The following FER variants were observed in gnomAD, a reference collection of about 807,000 sequenced individuals.
FER encodes tyrosine-protein kinase Fer.
Under a neutral mutation model 111.0 loss-of-function variants are expected in FER, and 63 were observed. The ratio of observed to expected loss-of-function variants is 0.57; its 90% CI spans 0.46 to 0.70. FER has a LOEUF of 0.70. Among genes scored for constraint, FER ranks in the 30% least tolerant of loss-of-function variants. The pLI is 0.00. For missense variants in FER, 914 were observed against 954.0 expected (o/e 0.96, Z 0.55); for synonymous variants, 327 against 313.9 (o/e 1.04, Z -0.44).
chr5:108,950,910 C>A (rs1446840128), intron 11 of FER, among the ~76,000 whole-genome samples: 1 of 151,898 alleles, frequency 6.6e-6, no homozygotes, highest in African/African-American at 2.4e-5. Flanking sequence ...ATTTCTCATC[C>A]CCTCCCAAAA....
chr5:108,853,628 TATTTGAAGATCAGTACAG>T (rs1762732399), intron 5 of FER, among the ~76,000 whole-genome samples: 1 of 152,190 alleles, frequency 6.6e-6, no homozygotes, highest in Non-Finnish European at 1.5e-5. Context: ...ATTTCCGGCA[TATTTGAAGATCAGTACAG>T]ATACCTTTTT....
intron 10 of FER, among the ~76,000 whole-genome samples, chr5:108,929,684 A>G (rs1488978800): frequency 2.0e-5 from 3 of 152,126 alleles, no homozygotes; most frequent in African/African-American, 7.2e-5. Flanking sequence ...TCTGTGAATG[A>G]AGGGAGTAGT....
At chr5:108,824,289 A>ATTTT (rs938044120) in intron 3 of FER, among the ~76,000 whole-genome samples, 9 of 149,278 alleles carry the variant, frequency 6.0e-5, no homozygotes, top group Non-Finnish European at 1.3e-4. Flanking sequence ...GAAGTTTAGG[A>ATTTT]TTTTTTTTTT....
chr5:109,016,966 A>G (rs1195155720), intron 13 of FER, among the ~76,000 whole-genome samples: 1 of 151,996 alleles, frequency 6.6e-6, no homozygotes, highest in Non-Finnish European at 1.5e-5. Context: ...AGGCCATGTG[A>G]GGACACAGTG....
chr5:108,941,417 C>T (rs776598312), intron 10 of FER, among the ~76,000 whole-genome samples: 8 of 151,974 alleles, frequency 5.3e-5, no homozygotes, highest in Admixed American at 2.6e-4. Context: ...GAAATTTGAC[C>T]CATAGGCAAG....
At chr5:109,135,791 T>TGA (rs2126603014) in intron 17 of FER, among the ~76,000 whole-genome samples, 1 of 152,326 alleles carries the variant, frequency 6.6e-6, no homozygotes, top group Admixed American at 6.5e-5. Flanking sequence ...TGCCTTTGGC[T>TGA]GACACTTCTC....
intron 1 of FER, among the ~76,000 whole-genome samples, chr5:108,749,814 C>T (rs1188071830): frequency 1.3e-5 from 2 of 152,152 alleles, no homozygotes; most frequent in African/African-American, 2.4e-5. Flanking sequence ...ACAGTTACCC[C>T]TAGGATCTAC....
rs540532836 is a variant in FER at position 109,148,044 on chromosome 5, T to G, written c.2049-32703T>G. Among the ~76,000 whole-genome samples the G allele has an allele frequency of 2.6e-5, 4 of 152,144 alleles. No individual in the cohort carries two copies. In the South Asian group the frequency reaches 8.3e-4, roughly 32 times the overall value. Reference sequence around the variant, plus strand: ...TTGTTTAATAGGTTTTTTTAAATGTTGTACATATATATATAGATGGTTAAG... The same window carrying G: ...TTGTTTAATAGGTTTTTTTAAATGTGGTACATATATATATAGATGGTTAAG... On this transcript the variant is annotated intron_variant, in intron 17 of 19. Coordinates refer to ENST00000281092, the MANE Select transcript of FER (RefSeq NM_005246.4).
intron 18 of FER, among the ~76,000 whole-genome samples, chr5:109,184,957 A>G (rs1758697727): frequency 6.6e-6 from 1 of 152,204 alleles, no homozygotes; most frequent in Non-Finnish European, 1.5e-5. Flanking sequence ...AGGAAACCAC[A>G]TGAGGGATAG....
chr5:108,904,228 C>CAAAT (rs771961137), intron 10 of FER, among the ~76,000 whole-genome samples: 5 of 151,926 alleles, frequency 3.3e-5, no homozygotes, highest in Non-Finnish European at 7.4e-5. Flanking sequence ...AATAAACAAA[C>CAAAT]AAATAAATAC....
At chr5:109,058,720 C>CTTTT (rs1773967359) in intron 16 of FER, among the ~76,000 whole-genome samples, 2 of 88,034 alleles carry the variant, frequency 2.3e-5, no homozygotes, top group African/African-American at 1.0e-4. Flanking sequence ...TTCTTTCTTT[C>CTTTT]TTTCTTTTTT....
intron 17 of FER, among the ~76,000 whole-genome samples, chr5:109,163,978 T>A (rs1276191961): frequency 6.6e-6 from 1 of 152,196 alleles, no homozygotes; most frequent in Non-Finnish European, 1.5e-5. Context: ...GAATTCCTTA[T>A]TGCATAGTGG....
Position 109,117,775 on chromosome 5 carries a change from G to C in FER, c.2048+17256G>C, listed in dbSNP as rs891431223. On this transcript the variant is annotated intron_variant, in intron 17 of 19. Transcript: ENST00000281092. ...ATTTTATTCTCTTTGAAGCAATTGT[G>C]AATGGGAGTTCACTCATGATTTGGC... is the stretch of plus-strand genomic sequence containing the variant. 4.0e-4 allele frequency among the ~76,000 whole-genome samples: 60 copies of C among 151,282 alleles called. 1 individual carries two copies. Among genetic ancestry groups the C allele is most frequent in the Non-Finnish European group, 1.0e-4 (7 of 67,894 alleles).
At chr5:109,118,445 A>G (rs1020215694) in intron 17 of FER, among the ~76,000 whole-genome samples, 3 of 152,206 alleles carry the variant, frequency 2.0e-5, no homozygotes, top group Middle Eastern at 3.4e-3. Context: ...AATGTTCATC[A>G]TGGATATTGG....
At chr5:109,032,198 G>T (rs978591485) in intron 13 of FER, among the ~76,000 whole-genome samples, 3 of 152,156 alleles carry the variant, frequency 2.0e-5, no homozygotes, top group African/African-American at 4.8e-5. Context: ...AAGTTTGTTG[G>T]CAGCGAAGTA....
chr5:108,850,117 C>T (rs1762410323), intron 5 of FER, among the ~76,000 whole-genome samples: 1 of 151,816 alleles, frequency 6.6e-6, no homozygotes, highest in African/African-American at 2.4e-5. Context: ...ATTGCTTGAA[C>T]CTGGGAGGTG....
intron 11 of FER, among the ~76,000 whole-genome samples, chr5:108,953,048 A>G (rs1031993977): frequency 6.6e-6 from 1 of 152,076 alleles, no homozygotes; most frequent in Admixed American, 6.6e-5. Context: ...TATAGTAAAA[A>G]TTTTAGAATT....
At chr5:109,143,839 G>T (rs557841916) in intron 17 of FER, among the ~76,000 whole-genome samples, 1 of 150,446 alleles carries the variant, frequency 6.6e-6, no homozygotes, top group African/African-American at 2.4e-5. Context: ...AAGAATTACA[G>T]AATTTTGCAG....
chr5:108,865,338 C>T (rs1488219104), intron 5 of FER, among the ~76,000 whole-genome samples: 2 of 152,082 alleles, frequency 1.3e-5, no homozygotes, highest in Non-Finnish European at 2.9e-5. Context: ...TAATTGAATA[C>T]CCTCTATTTC....
Sources: allele counts gnomAD v4.1 joint callset (sites outside exome capture counted in the v4.1 genomes callset), GRCh38; gene constraint gnomAD v4.1.1; transcripts MANE v1.5; gene names NCBI Gene and HGNC (gene_info 2026-07-23, HGNC 2026-07-21).